The following ZBTB1 variants were observed in gnomAD, a reference collection of about 807,000 sequenced individuals.
The protein encoded by ZBTB1 is zinc finger and BTB domain-containing protein 1.
In ZBTB1, 13 loss-of-function variants were observed where a neutral mutation model predicts 51.6. The observed-to-expected ratio is 0.25, with a 90% CI of 0.16 to 0.40. The LOEUF (loss-of-function observed/expected upper bound fraction) is 0.40, where lower values mean the gene tolerates loss of function less well. ZBTB1 is among the 10% of genes least tolerant of loss of function. The pLI is 1.00. For missense variants in ZBTB1, 567 were observed against 856.5 expected, an observed-to-expected ratio of 0.66 and a Z score of 4.22; for synonymous variants, 240 against 282.2, an observed-to-expected ratio of 0.85 and a Z score of 1.50.
intron 1 of ZBTB1, among the ~76,000 whole-genome samples, chr14:64,512,761 T>C (rs1004197419): frequency 1.3e-5 from 2 of 152,156 alleles, no homozygotes; most frequent in African/African-American, 4.8e-5. Flanking sequence ...AAACCTCTTA[T>C]CTTTGGGAGC....
At chr14:64,516,333 G>T (rs1049502930) in intron 1 of ZBTB1, among the ~76,000 whole-genome samples, 2 of 152,204 alleles carry the variant, frequency 1.3e-5, no homozygotes, top group African/African-American at 4.8e-5. Context: ...TGGTACTAAT[G>T]TGTCAATGAT....
upstream of ZBTB1, chr14:64,504,766 C>T (rs1304452724): frequency 2.4e-5 from 9 of 377,756 alleles, no homozygotes; most frequent in Non-Finnish European, 3.8e-5. Flanking sequence ...AGCGGAAGTC[C>T]TTTGTTGCAG....
At chr14:64,520,382 A>G (rs2079848519) in intron 1 of ZBTB1, among the ~76,000 whole-genome samples, 1 of 151,992 alleles carries the variant, frequency 6.6e-6, no homozygotes, top group South Asian at 2.1e-4. Context: ...TGGCGTGATC[A>G]TGGCTCACCA....
In ZBTB1 at chr14:64,521,700, A is replaced by G; in HGVS notation, c.196A>G (p.Ser66Gly). The G allele has an allele frequency of 1.9e-6, 3 of 1,614,122 alleles. No homozygotes were observed. Among genetic ancestry groups the G allele is most frequent in the Non-Finnish European group, 2.5e-6 (3 of 1,180,030 alleles). The part of the protein sequence containing the change: ...HQHSTAQLNL[S>G]NMKISAECFD... ...GCATAGTACTGCACAACTGAATCTCAGCAACATGAAAATTAGTGCAGAATG... is the reference window on the plus strand; with the variant it reads ...GCATAGTACTGCACAACTGAATCTCGGCAACATGAAAATTAGTGCAGAATG... The change falls in exon 2 of 2, where the codon AGC (serine) becomes GGC (glycine). Residue 66 changes from serine to glycine, a missense_variant. This residue lies in a region of ZBTB1 where 69 missense variants were observed against 136.4 expected (regional missense o/e 0.51). Transcript: ENST00000683701.
intron 1 of ZBTB1, among the ~76,000 whole-genome samples, chr14:64,505,451 C>T (rs763773952): frequency 2.0e-5 from 3 of 152,298 alleles, no homozygotes; most frequent in Middle Eastern, 3.4e-3. Context: ...CCCCCTCTCG[C>T]CGGCACACAC....
chr14:64,515,292 G>A (rs1450851309), intron 1 of ZBTB1, among the ~76,000 whole-genome samples: 1 of 152,118 alleles, frequency 6.6e-6, no homozygotes, highest in Non-Finnish European at 1.5e-5. Context: ...TACCAGTGAT[G>A]CAGCTAGTAG....
At chr14:64,528,245 T>C (rs150978643), downstream of ZBTB1, among the ~76,000 whole-genome samples, 246 of 152,180 alleles carry the variant, frequency 1.6e-3, 1 homozygote, top group African/African-American at 5.6e-3. Flanking sequence ...GAAAAAAATC[T>C]GAGTGTATGT....
intron 1 of ZBTB1, chr14:64,514,333 C>G (rs1015223640): frequency 6.6e-6 from 1 of 152,198 alleles, no homozygotes; most frequent in Non-Finnish European, 1.5e-5. Flanking sequence ...TCTAGACTTT[C>G]ACTGAGGCTA....
intron 1 of ZBTB1, among the ~76,000 whole-genome samples, chr14:64,506,378 C>T (rs560170024): frequency 2.0e-5 from 3 of 152,214 alleles, no homozygotes; most frequent in African/African-American, 7.2e-5. Flanking sequence ...ACTAAAAGTA[C>T]AAAAATTAGC....
At chr14:64,527,594 G>A (rs1284618520), downstream of ZBTB1, among the ~76,000 whole-genome samples, 1 of 151,562 alleles carries the variant, frequency 6.6e-6, no homozygotes. Context: ...CTGAGTGACA[G>A]AGCGAGACTC....
chr14:64,531,476 A>C (rs1464207349), intron 2 of ZBTB1, among the ~76,000 whole-genome samples: 1 of 152,188 alleles, frequency 6.6e-6, no homozygotes, highest in East Asian at 1.9e-4. Context: ...TGTTAGATTT[A>C]TGTTTCAATC....
At chr14:64,531,852 G>C (rs768383661) in intron 2 of ZBTB1, 1 of 1,613,552 alleles carries the variant, frequency 6.2e-7, no homozygotes, top group Non-Finnish European at 8.5e-7. Flanking sequence ...GTCTTTTTCT[G>C]TGTGGCAGTG....
chr14:64,524,720 T>C lies in ZBTB1; in HGVS notation c.*1074T>C, dbSNP rs1425650046. 1.0e-6 allele frequency: 1 copy of C among 984,640 alleles called. No individual in the cohort carries two copies. The highest frequency in any genetic ancestry group is 6.2e-5 in the Admixed American group (1 of 16,252). The allele number at this position is 984,640 out of a possible 1,614,324, so 61.0% of individuals were successfully genotyped here. A position where few individuals can be genotyped will look rare whatever the true frequency, so the allele number is the denominator to read the frequency against. On this transcript the variant is annotated 3_prime_UTR_variant, in exon 2 of 2. Coordinates refer to ENST00000683701, the MANE Select transcript of ZBTB1 (RefSeq NM_001123329.2). ...TATACTGTCTAAGATTTGGAGGAAATGTGGCAAATTGCAGTTTATCGCCAT... is the reference window on the plus strand; with the variant it reads ...TATACTGTCTAAGATTTGGAGGAAACGTGGCAAATTGCAGTTTATCGCCAT...
chr14:64,530,501 G>A (rs1339396909), intron 2 of ZBTB1, among the ~76,000 whole-genome samples: 1 of 152,100 alleles, frequency 6.6e-6, no homozygotes, highest in Non-Finnish European at 1.5e-5. Flanking sequence ...CAGCTACTCT[G>A]GAGGCTGAGG....
chr14:64,527,782 A>G (rs144175539), downstream of ZBTB1, among the ~76,000 whole-genome samples: 430 of 152,288 alleles, frequency 2.8e-3, 5 homozygotes, highest in South Asian at 0.033. Context: ...AAAAAAAGAT[A>G]ATAATACACA....
At chr14:64,519,393 C>G (rs1316922499) in intron 1 of ZBTB1, among the ~76,000 whole-genome samples, 1 of 151,076 alleles carries the variant, frequency 6.6e-6, no homozygotes, top group African/African-American at 2.4e-5. Flanking sequence ...CAGCCTCACC[C>G]TTCCAAAGTG....
At chr14:64,525,452 A>T (rs769357760), downstream of ZBTB1, among the ~76,000 whole-genome samples, 5 of 152,242 alleles carry the variant, frequency 3.3e-5, no homozygotes, top group Non-Finnish European at 7.3e-5. Context: ...GATAGGAACC[A>T]GATAAAAGTT....
intron 1 of ZBTB1, among the ~76,000 whole-genome samples, chr14:64,520,091 T>C (rs373876189): frequency 6.6e-6 from 1 of 152,018 alleles, no homozygotes; most frequent in Non-Finnish European, 1.5e-5. Context: ...AAGCTCCGCC[T>C]CCCAGGTTCA....
At chr14:64,532,102 G>C (rs886172345) in exon 3 of ZBTB1, 1 of 519,504 alleles carries the variant, frequency 1.9e-6, no homozygotes, top group African/African-American at 1.9e-5. Context: ...TAACAAAATT[G>C]ATTCATGGTG....
Sources: allele counts gnomAD v4.1 joint callset (sites outside exome capture counted in the v4.1 genomes callset), GRCh38; gene constraint gnomAD v4.1.1; regional missense constraint gnomAD v4.1.1; transcripts MANE v1.5; gene names NCBI Gene and HGNC (gene_info 2026-07-23, HGNC 2026-07-21).